LMTK3: variants seen among roughly 807,000 people sequenced by gnomAD.
LMTK3 encodes the protein lemur tail kinase 3, also known as serine/threonine-protein kinase LMTK3.
In LMTK3, 27 loss-of-function variants were observed where a neutral mutation model predicts 116.7. The ratio of observed to expected loss-of-function variants is 0.23; its 90% confidence interval spans 0.17 to 0.32. The LOEUF is 0.32. Ranked by LOEUF, LMTK3 falls within the 10% of genes least tolerant of loss-of-function variation. LMTK3 has a pLI of 1.00. For missense variants in LMTK3, 1,764 were observed against 2,068.5 expected (o/e 0.85, Z 2.86); for synonymous variants, 965 against 971.0 (o/e 0.99, Z 0.11).
chr19:48,487,552 C>A (rs1972147031), intron 14 of LMTK3, among the ~76,000 whole-genome samples: 1 of 152,158 alleles, frequency 6.6e-6, no homozygotes, highest in Non-Finnish European at 1.5e-5. Context: ...GAGCTGCGGT[C>A]ACTGCTGTGT....
rs1247746389 is a variant in LMTK3, at chr19:48,510,524, G to A, written c.145C>T (p.Leu49=). The stretch of plus-strand genomic sequence containing the variant: ...AGGAGGAGGAAGATGAAGGCCAGCA[G>A]GCCGGAGCAGGAAATGAGGACCACA... ...YAVVLISCSG[L]LAFIFLLLTC... The change falls in exon 2 of 15, where the codon CTG becomes TTG. Residue 49 remains leucine (L), a synonymous_variant. Coordinates refer to ENST00000600059, the MANE Select transcript of LMTK3 (RefSeq NM_001388485.1). 1 of 1,599,648 alleles carries A rather than the reference G, an allele frequency of 6.3e-7. No homozygotes were observed. The highest frequency in any genetic ancestry group is 8.5e-7 in the Non-Finnish European group (1 of 1,173,554).
chr19:48,491,589 C>T lies in LMTK3; in HGVS notation c.4093-50G>A, dbSNP rs759087566. The T allele has an allele frequency of 7.7e-7, 1 of 1,290,542 alleles. No individual in the cohort carries two copies. The highest frequency in any genetic ancestry group is 2.1e-4 in the Middle Eastern group (1 of 4,758). 79.9% of individuals were successfully genotyped at this position (1,290,542 alleles called of 1,614,324 possible). A position where few individuals can be genotyped will look rare whatever the true frequency, so the allele number is the denominator to read the frequency against. On this transcript the variant is annotated intron_variant, in intron 12 of 14. Transcript: ENST00000600059. The surrounding 1 kb of genome is among the most constrained non-coding windows in gnomAD (Gnocchi z 5.1). ...CCAGAGGGGACAAACCTTCACGTCCCATTTACCGCATCCCCCAAAAGCAAC... is the reference window on the plus strand; with the variant it reads ...CCAGAGGGGACAAACCTTCACGTCCTATTTACCGCATCCCCCAAAAGCAAC...
intron 12 of LMTK3, 52 bp downstream of exon 12, chr19:48,493,642 C>T: frequency 6.6e-7 from 1 of 1,516,948 alleles, no homozygotes; most frequent in Non-Finnish European, 8.9e-7. Context: ...GCTCTAGGCT[C>T]CTGCTCCCTC....
In LMTK3 at chr19:48,499,605, G is replaced by A. The variant is rs1180736025; in HGVS notation, c.1464C>T (p.Ala488=). Residue 488 remains alanine, a synonymous_variant, in exon 11 of 15, where the codon GCC becomes GCT. Transcript: ENST00000600059. ...AGGCAGGTGCCCCCCCACCCCGGCC[G>A]GCCCCACGCCGGGCCTTCTCCCACA... ...ECLWEKARRG[A]GRGGGAPAWQ... The A allele has an allele frequency of 1.3e-6, 2 of 1,541,820 alleles. No homozygotes were observed. The highest frequency in any genetic ancestry group is 2.0e-5 in the Admixed American group (1 of 49,302).
Position 48,497,433 on chromosome 19 carries a change from C to A in LMTK3, c.3636G>T (p.Leu1212Phe). 1 of 1,538,850 alleles carries A rather than the reference C, an allele frequency of 6.5e-7. No individual in the cohort carries two copies. The highest frequency in any genetic ancestry group is 8.7e-7 in the Non-Finnish European group (1 of 1,146,210). Residue 1212 changes from leucine to phenylalanine, a missense_variant, in exon 11 of 15, where the codon TTG becomes TTT. By Grantham distance (22) the Leu-to-Phe change is conservative. This residue lies in a region of LMTK3 where 39 missense variants were observed against 75.4 expected (regional missense o/e 0.52). Transcript: ENST00000600059. This position sits in a 1 kb window ranked among gnomAD's most constrained non-coding sequence, Gnocchi z 5.7. Reference sequence around the variant, plus strand: ...TGTTCCCCTGAGGGGGTCCCAAGTCCAAGAATAGTCGTGGCATCTCGGGGC... The same window carrying A: ...TGTTCCCCTGAGGGGGTCCCAAGTCAAAGAATAGTCGTGGCATCTCGGGGC... The part of the protein sequence containing the change: ...RKGPEMPRLF[L>F]DLGPPQGNSE...
rs1309904440 is a variant in LMTK3, at chr19:48,497,457, G to A, written c.3612C>T (p.Gly1204=). ...CCAAGAATAGTCGTGGCATCTCGGG[G>A]CCCTTCCTCTCGGGCTTGGGGGGGT... is the stretch of plus-strand genomic sequence containing the variant. The part of the protein sequence containing the change: ...DGDPPKPERK[G]PEMPRLFLDL... Residue 1204 remains glycine, a synonymous_variant, in exon 11 of 15, where the codon GGC becomes GGT. Coordinates refer to ENST00000600059, the MANE Select transcript of LMTK3 (RefSeq NM_001388485.1). This position sits in a 1 kb window ranked among gnomAD's most constrained non-coding sequence, Gnocchi z 5.7. The A allele has an allele frequency of 1.3e-6, 2 of 1,532,040 alleles. No homozygotes were observed. The highest frequency in any genetic ancestry group is 1.2e-5 in the South Asian group (1 of 80,534). 94.9% of individuals were successfully genotyped at this position (1,532,040 alleles called of 1,614,324 possible).
intron 5 of LMTK3, among the ~76,000 whole-genome samples, chr19:48,505,103 C>CTCT (rs1555901916): frequency 1.1e-3 from 61 of 55,592 alleles, no homozygotes; most frequent in African/African-American, 2.0e-3. Context: ...CTCTCTCTCT[C>CTCT]TTTTTTTTTT....
At position 48,498,780 on chromosome 19, in the gene LMTK3, G is replaced by C; in HGVS notation, c.2289C>G (p.Pro763=). The C allele has an allele frequency of 7.3e-7, 1 of 1,364,484 alleles. No individual in the cohort carries two copies. The highest frequency in any genetic ancestry group is 9.5e-7 in the Non-Finnish European group (1 of 1,054,616). 84.5% of individuals were successfully genotyped at this position (1,364,484 alleles called of 1,614,324 possible). A position where few individuals can be genotyped will look rare whatever the true frequency, so the allele number is the denominator to read the frequency against. ...GGTCGGGGGACGCGGCCGGGTCCGC[G>C]GGGGCCCGAGGAGGTGGCGGCGGGG... ...PPPPPPPPRA[P]ADPAASPDPP... is the part of the protein sequence containing the mutation. The change falls in exon 11 of 15, where the codon CCC becomes CCG. Residue 763 remains proline (P), a synonymous_variant. Transcript: ENST00000600059.
In LMTK3 at chr19:48,499,662, G is replaced by A. The variant is rs1305291066; in HGVS notation, c.1407C>T (p.Thr469=). The stretch of plus-strand genomic sequence containing the variant: ...CGAGGTTGAGGCCGCGGCTACTCTC[G>A]GTGACCGTGAGCACATCGTCGGGGT... ...GADPDDVLTV[T]ESSRGLNLEC... is the part of the protein sequence containing the mutation. Residue 469 remains threonine, a synonymous_variant, in exon 11 of 15, where the codon ACC becomes ACT. Transcript: ENST00000600059. 7.1e-6 allele frequency: 11 copies of A among 1,539,174 alleles called. No homozygotes were observed. The highest frequency in any genetic ancestry group is 2.5e-5 in the East Asian group (1 of 40,618).
chr19:48,497,725 G>T lies in LMTK3; in HGVS notation c.3344C>A (p.Ala1115Asp), dbSNP rs1972358357. The T allele has an allele frequency of 3.0e-6, 4 of 1,338,130 alleles. No individual in the cohort carries two copies. Among genetic ancestry groups the T allele is most frequent in the East Asian group, 3.0e-5 (1 of 33,164 alleles). 82.9% of individuals were successfully genotyped at this position (1,338,130 alleles called of 1,614,324 possible). The part of the protein sequence containing the change: ...GRLDLGSGGR[A>D]PVGTGTAPGG... ...GGGGGCCGTCCCCGTGCCCACTGGG[G>T]CTCGGCCCCCACTCCCGAGGTCCAG... Residue 1115 changes from alanine (A) to aspartate (D), a missense_variant, in exon 11 of 15, where the codon GCC becomes GAC. Around this residue, in one of 7 missense-constraint regions of LMTK3, gnomAD observed 1,028 missense variants for 1,050.6 expected, o/e 0.98. Transcript: ENST00000600059. The surrounding 1 kb of genome is among the most constrained non-coding windows in gnomAD (Gnocchi z 5.7).
chr19:48,490,892 G>C (rs1391322242), intron 14 of LMTK3, among the ~76,000 whole-genome samples: 1 of 152,170 alleles, frequency 6.6e-6, no homozygotes, highest in Non-Finnish European at 1.5e-5. Flanking sequence ...TCGGGGGTTG[G>C]GGACGGCCGG....
In LMTK3 at chr19:48,499,936, G is replaced by C. The variant is rs531850003; in HGVS notation, c.1152-19C>G. On this transcript the variant is annotated intron_variant, in intron 10 of 14. Coordinates refer to ENST00000600059, the MANE Select transcript of LMTK3 (RefSeq NM_001388485.1). ...GTCATACCTGGGGAGAGGTGGGGCA[G>C]AGTGAGCAGGGCAGAGACCCAGGGA... is the stretch of plus-strand genomic sequence containing the variant. The C allele has an allele frequency of 3.2e-6, 5 of 1,568,894 alleles. No individual in the cohort carries two copies. Among genetic ancestry groups the C allele is most frequent in the Non-Finnish European group, 4.3e-6 (5 of 1,159,664 alleles).
chr19:48,504,884 C>T (rs1387029807), intron 5 of LMTK3, among the ~76,000 whole-genome samples: 2 of 151,984 alleles, frequency 1.3e-5, no homozygotes, highest in Non-Finnish European at 2.9e-5. Context: ...CAGGGCTGCT[C>T]ACTCTCCATG....
At position 48,499,106 on chromosome 19, in the gene LMTK3, T is replaced by A. The variant is rs1353323796; in HGVS notation, c.1963A>T (p.Ser655Cys). ...CGGCTTGGGCCACCTCCAAGGCTGC[T>A]GCTGTCTTCCCCTGGGGAGCTGCCC... ...EEGSSPGEDS[S>C]SLGGGPSRRG... is the part of the protein sequence containing the mutation. The change falls in exon 11 of 15, where the codon AGC becomes TGC. Residue 655 changes from serine (S) to cysteine (C), a missense_variant. Physicochemically the swap from Ser to Cys is moderately radical, Grantham distance 112. Transcript: ENST00000600059. 1 of 1,558,538 alleles carries A rather than the reference T, an allele frequency of 6.4e-7. No homozygotes were observed. The highest frequency in any genetic ancestry group is 8.6e-7 in the Non-Finnish European group (1 of 1,156,964).
upstream of LMTK3, chr19:48,513,073 C>T (rs1465057090): frequency 6.1e-6 from 8 of 1,302,982 alleles, no homozygotes; most frequent in South Asian, 1.3e-5. The surrounding 1 kb of genome is among the most constrained non-coding windows in gnomAD (Gnocchi z 5.6). Context: ...ATAACACATA[C>T]AAAGAGTCAC....
Position 48,499,007 on chromosome 19 carries a change from C to A in LMTK3, c.2062G>T (p.Ala688Ser), listed in dbSNP as rs1361481830. Residue 688 changes from alanine to serine, a missense_variant, in exon 11 of 15, where the codon GCC (alanine) becomes TCC (serine). Coordinates refer to ENST00000600059, the MANE Select transcript of LMTK3 (RefSeq NM_001388485.1). ...GGGTGGCCTCCCCAGCCTGCTACGG[C>A]GTCCCCCCGCTCCAGTGGCAGGCAG... ...CSCLPLERGD[A>S]VAGWGGHPAL... 7 of 1,419,820 alleles carry A rather than the reference C, an allele frequency of 4.9e-6. No individual in the cohort carries two copies. Among genetic ancestry groups the A allele is most frequent in the East Asian group, 2.9e-5 (1 of 34,710 alleles). The allele number at this position is 1,419,820 out of a possible 1,614,324, so 88.0% of individuals were successfully genotyped here. A position where few individuals can be genotyped will look rare whatever the true frequency, so the allele number is the denominator to read the frequency against.
intron 14 of LMTK3, among the ~76,000 whole-genome samples, chr19:48,487,574 C>T (rs565104369): frequency 1.3e-5 from 2 of 152,136 alleles, no homozygotes; most frequent in African/African-American, 2.4e-5. Flanking sequence ...CCCAGCATCC[C>T]GTCTGGCACA....
chr19:48,506,099 G>A (rs796494840), intron 5 of LMTK3, among the ~76,000 whole-genome samples: 15 of 149,804 alleles, frequency 1.0e-4, no homozygotes, highest in African/African-American at 3.7e-4. Flanking sequence ...TTGAGATTGC[G>A]CCACTGCACT....
At position 48,508,838 on chromosome 19, in the gene LMTK3, A is replaced by G; in HGVS notation, c.557+13T>C. 1 of 1,596,366 alleles carries G rather than the reference A, an allele frequency of 6.3e-7. No individual in the cohort carries two copies. Among genetic ancestry groups the G allele is most frequent in the Non-Finnish European group, 8.6e-7 (1 of 1,163,938 alleles). ...CTCAACAAGGCACACACCCACTGAG[A>G]AACCCTCAGTACCTGTACGGCTGTG... is the stretch of plus-strand genomic sequence containing the variant. On this transcript the variant is annotated intron_variant, in intron 5 of 14. Transcript: ENST00000600059.
Sources: gnomAD v4.1 joint callset for allele counts (sites outside exome capture counted in the v4.1 genomes callset) on GRCh38, gnomAD v4.1.1 for gene constraint, gnomAD v4.1.1 regional missense constraint, Gnocchi (gnomAD v3.1) non-coding constraint, MANE v1.5 for transcripts, NCBI Gene and HGNC (gene_info 2026-07-23, HGNC 2026-07-21) for gene names.